The following SPAG17 variants were observed in gnomAD, a reference collection of about 807,000 sequenced individuals.
SPAG17 encodes the protein sperm associated antigen 17, also known as sperm-associated antigen 17.
In SPAG17, 169 loss-of-function variants were observed where a neutral mutation model predicts 273.6. The ratio of observed to expected loss-of-function variants is 0.62; its 90% CI spans 0.55 to 0.70. The LOEUF (loss-of-function observed/expected upper bound fraction) is 0.70, where lower values mean the gene tolerates loss of function less well. Ranked by LOEUF, SPAG17 falls within the 30% of genes least tolerant of loss-of-function variation. The probability of loss-of-function intolerance (pLI) is 0.00; values close to 1 mark genes in which losing one functional copy is unlikely to be tolerated. For missense variants in SPAG17, 2,557 were observed against 2,627.8 expected (o/e 0.97, Z 0.59); for synonymous variants, 825 against 873.2 (o/e 0.94, Z 0.97).
chr1:118,000,395 T>C (rs1658143773), intron 32 of SPAG17, among the ~76,000 whole-genome samples: 1 of 152,218 alleles, frequency 6.6e-6, no homozygotes. Flanking sequence ...TGGCATTGAA[T>C]CTATAAATTA....
intron 18 of SPAG17, 152 bp from the exon 19 acceptor site, chr1:118,056,066 C>A: frequency 1.7e-6 from 1 of 574,214 alleles, no homozygotes; most frequent in Non-Finnish European, 2.9e-6. Flanking sequence ...TAGTCAAATA[C>A]AAATATCCAG....
chr1:117,963,654 G>A lies in SPAG17; in HGVS notation c.*145C>T, dbSNP rs1029205247. On this transcript the variant is annotated intron_variant, in intron 48 of 48. Transcript: ENST00000336338. ...GCTGGGATTACAGGTGTGAGCCACC[G>A]GGCCCGGCCTAAACAAATATTTTCA... 1.4e-5 allele frequency: 10 copies of A among 692,974 alleles called. No individual in the cohort carries two copies. The East Asian group carries it at 2.4e-4, about 16-fold the overall frequency. The allele number at this position is 692,974 out of a possible 1,614,324, so 42.9% of individuals were successfully genotyped here. A position where few individuals can be genotyped will look rare whatever the true frequency, so the allele number is the denominator to read the frequency against.
intron 1 of SPAG17, among the ~76,000 whole-genome samples, chr1:118,183,017 CA>C (rs1201657304): frequency 2.5e-4 from 38 of 152,062 alleles, no homozygotes; most frequent in Admixed American, 2.5e-3. Flanking sequence ...TCAATAAAAC[CA>C]AAATGTGAAC....
In SPAG17 at chr1:118,031,700, CT is replaced by C. The variant is rs757982988; in HGVS notation, c.3600del (p.Glu1201ArgfsTer7). 1 of 1,612,058 alleles carries C rather than the reference CT, an allele frequency of 6.2e-7. No homozygotes were observed. The highest frequency in any genetic ancestry group is 8.5e-7 in the Non-Finnish European group (1 of 1,179,422). ...SLKEEEHPKE[E>X]EKKEEEVEPE... Reference sequence around the variant, plus strand: ...TGGCAAGGTTCATTTACCTTTTTCTCTTCTTCTTTTGGGTGTTCTTCTTCTT... The same window carrying C: ...TGGCAAGGTTCATTTACCTTTTTCTCTCTTCTTTTGGGTGTTCTTCTTCTT... On this transcript the variant is annotated frameshift_variant, in exon 25 of 49. Transcript: ENST00000336338. LOFTEE classifies it high-confidence loss of function.
chr1:118,157,806 T>C (rs1570799069), intron 1 of SPAG17, among the ~76,000 whole-genome samples: 1 of 152,310 alleles, frequency 6.6e-6, no homozygotes, highest in Non-Finnish European at 1.5e-5. Flanking sequence ...GTTGTGAAGA[T>C]TGAATGAGAA....
chr1:118,023,153 A>G (rs1571265533), intron 28 of SPAG17, 151 bp downstream of exon 28: 6 of 474,168 alleles, frequency 1.3e-5, no homozygotes, highest in African/African-American at 2.0e-5. Flanking sequence ...TGTGATAGCA[A>G]GAATTCATTT....
At chr1:118,179,004 A>G (rs1203371698) in intron 1 of SPAG17, among the ~76,000 whole-genome samples, 1 of 152,072 alleles carries the variant, frequency 6.6e-6, no homozygotes, top group East Asian at 1.9e-4. Flanking sequence ...TGGAAGAATT[A>G]ATACTGTGAA....
intron 15 of SPAG17, among the ~76,000 whole-genome samples, chr1:118,077,719 T>C (rs550974814): frequency 2.0e-4 from 31 of 152,214 alleles, no homozygotes; most frequent in African/African-American, 6.3e-4. Context: ...GGTAGGCTAA[T>C]AGGTAAGGGT....
chr1:118,155,534 T>TA (rs1659607263), intron 1 of SPAG17, among the ~76,000 whole-genome samples: 1 of 152,160 alleles, frequency 6.6e-6, no homozygotes, highest in Admixed American at 6.5e-5. Context: ...CCTTTGCTAG[T>TA]ATGATAGGGC....
chr1:118,165,714 C>T (rs1414852514), intron 1 of SPAG17, among the ~76,000 whole-genome samples: 3 of 139,898 alleles, frequency 2.1e-5, no homozygotes, highest in Admixed American at 7.6e-5. Flanking sequence ...GGCGCGATCT[C>T]GGCTCACTGC....
At chr1:118,097,980 T>C in intron 6 of SPAG17, 129 bp from the exon 7 acceptor site, 1 of 508,408 alleles carries the variant, frequency 2.0e-6, no homozygotes, top group Non-Finnish European at 3.1e-6. Flanking sequence ...TAAAGGAATG[T>C]AATTTTGATA....
At chr1:118,185,000 C>T (rs2102418396) in intron 1 of SPAG17, 71 bp downstream of exon 1, 1 of 1,324,730 alleles carries the variant, frequency 7.5e-7, no homozygotes, top group Non-Finnish European at 1.1e-6. Context: ...CTTAAGGCGT[C>T]GCCTAGGAGG....
chr1:118,077,960 C>T lies in SPAG17; in HGVS notation c.2209+3141G>A, dbSNP rs76294930. 4.2e-3 allele frequency among the ~76,000 whole-genome samples: 645 copies of T among 152,210 alleles called. 3 individuals are homozygous for T. The highest frequency in any genetic ancestry group is 0.015 in the African/African-American group (613 of 41,550). ...GACTTCCTACTTGTATGTAGTTGAA[C>T]AAATTATTTAAACTTTCTAAGTCTT... On this transcript the variant is annotated intron_variant, in intron 15 of 48. Coordinates refer to ENST00000336338, the MANE Select transcript of SPAG17 (RefSeq NM_206996.4).
chr1:118,097,473 C>A (rs1413953512), intron 7 of SPAG17, among the ~76,000 whole-genome samples, 197 bp downstream of exon 7: 3 of 152,130 alleles, frequency 2.0e-5, no homozygotes, highest in Non-Finnish European at 4.4e-5. Context: ...GTTGTTAATT[C>A]ACACACTAAA....
intron 1 of SPAG17, among the ~76,000 whole-genome samples, chr1:118,157,115 G>A (rs974121999): frequency 5.3e-5 from 8 of 152,122 alleles, no homozygotes; most frequent in African/African-American, 7.2e-5. Context: ...CTAAGGAGAT[G>A]ACAAACACTA....
intron 34 of SPAG17, 118 bp downstream of exon 34, chr1:117,996,252 A>T: frequency 8.3e-7 from 1 of 1,209,982 alleles, no homozygotes; most frequent in Non-Finnish European, 1.1e-6. Flanking sequence ...TTTCCAAAGT[A>T]GAGCAGAAAA....
chr1:118,085,823 A>G, intron 13 of SPAG17, 99 bp downstream of exon 13: 2 of 1,227,394 alleles, frequency 1.6e-6, no homozygotes, highest in Non-Finnish European at 2.2e-6. Flanking sequence ...AGGTCTTTCA[A>G]TAATGAAAAT....
At chr1:117,956,960 CCA>C in intron 48 of SPAG17, 1 of 962,808 alleles carries the variant, frequency 1.0e-6, no homozygotes, top group Non-Finnish European at 1.5e-6. Context: ...CAAGATGTAT[CCA>C]AGTATAAAAT....
intron 43 of SPAG17, among the ~76,000 whole-genome samples, chr1:117,975,222 A>T (rs893958747): frequency 2.0e-5 from 3 of 152,012 alleles, no homozygotes; most frequent in Admixed American, 1.3e-4. Context: ...GGCAGGGGGG[A>T]TGTGGAGAGA....
Sources: gnomAD v4.1 joint callset for allele counts (sites outside exome capture counted in the v4.1 genomes callset) on GRCh38, gnomAD v4.1.1 for gene constraint, MANE v1.5 for transcripts, NCBI Gene and HGNC (gene_info 2026-07-23, HGNC 2026-07-21) for gene names.